The following OSBPL8 variants were observed in gnomAD, a reference collection of about 807,000 sequenced individuals.
The protein encoded by OSBPL8 is oxysterol binding protein like 8.
Under a neutral mutation model 125.5 loss-of-function variants are expected in OSBPL8, and 59 were observed. The ratio of observed to expected loss-of-function variants is 0.47; its 90% CI spans 0.38 to 0.58. The LOEUF is 0.58. OSBPL8 is among the 20% of genes least tolerant of loss of function. The pLI is 0.00. For missense variants in OSBPL8, 758 were observed against 1,047.8 expected, an observed-to-expected ratio of 0.72 and a Z score of 3.82; for synonymous variants, 330 against 338.9, an observed-to-expected ratio of 0.97 and a Z score of 0.29.
In OSBPL8 at chr12:76,537,584, TGAGA is replaced by T. The variant is rs558124716; in HGVS notation, c.-68+21809_-68+21812del. 3.3e-5 allele frequency among the ~76,000 whole-genome samples: 5 copies of T among 152,246 alleles called. No individual in the cohort carries two copies. The South Asian group carries it at 8.3e-4, about 25-fold the overall frequency. On this transcript the variant is annotated intron_variant, in intron 1 of 23. Transcript: ENST00000261183. ...GAGAGAAATCTACAGAAATGTACGA[TGAGA>T]GAGATTCACAATGAGAAATAAAATA...
intron 5 of OSBPL8, among the ~76,000 whole-genome samples, chr12:76,405,350 T>C (rs758423717): frequency 6.6e-6 from 1 of 152,042 alleles, no homozygotes; most frequent in Non-Finnish European, 1.5e-5. Flanking sequence ...TCCCAGCTGT[T>C]TGGGAGGTTG....
intron 2 of OSBPL8, among the ~76,000 whole-genome samples, chr12:76,470,564 G>T (rs1876015085): frequency 6.6e-6 from 1 of 152,060 alleles, no homozygotes; most frequent in Non-Finnish European, 1.5e-5. Context: ...CTTATATAGA[G>T]ATATGTGAGC....
At chr12:76,512,921 C>T (rs1213010126) in intron 1 of OSBPL8, among the ~76,000 whole-genome samples, 1 of 152,096 alleles carries the variant, frequency 6.6e-6, no homozygotes, top group African/African-American at 2.4e-5. Flanking sequence ...AGCTATATTC[C>T]TAGGTATCTT....
At chr12:76,421,866 T>C (rs1419512301) in intron 4 of OSBPL8, among the ~76,000 whole-genome samples, 2 of 148,070 alleles carry the variant, frequency 1.4e-5, no homozygotes, top group East Asian at 1.9e-4. Flanking sequence ...GCCTAAATCA[T>C]AGCTGTCAAA....
At chr12:76,533,099 G>C (rs552501743) in intron 1 of OSBPL8, among the ~76,000 whole-genome samples, 1 of 152,114 alleles carries the variant, frequency 6.6e-6, no homozygotes, top group African/African-American at 2.4e-5. Context: ...ATTTTTAAAT[G>C]AATTTACAAA....
At chr12:76,419,558 A>G (rs917375019) in intron 4 of OSBPL8, among the ~76,000 whole-genome samples, 2 of 152,218 alleles carry the variant, frequency 1.3e-5, no homozygotes, top group Admixed American at 6.5e-5. Context: ...CCAATGGTTC[A>G]GTTTCTCCAA....
At position 76,502,742 on chromosome 12, in the gene OSBPL8, G is replaced by A. The variant is rs74327229; in HGVS notation, c.-67-15124C>T. On this transcript the variant is annotated intron_variant, in intron 1 of 23. Coordinates refer to ENST00000261183, the MANE Select transcript of OSBPL8 (RefSeq NM_020841.5). ...GTCATCCTACCAGGTCAAAAGCCAT[G>A]ACCAGTTGAGGTACTTGCTGAGGGT... Among the ~76,000 whole-genome samples the A allele has an allele frequency of 6.2e-3, 939 of 152,278 alleles. 6 individuals are homozygous for A. Among genetic ancestry groups the A allele is most frequent in the Middle Eastern group, 0.037 (11 of 294 alleles).
intron 2 of OSBPL8, among the ~76,000 whole-genome samples, chr12:76,465,516 C>T (rs531668624): frequency 6.6e-6 from 1 of 151,924 alleles, no homozygotes; most frequent in East Asian, 1.9e-4. Flanking sequence ...GCCAAGATCA[C>T]GCCACTGCAC....
chr12:76,383,296 TG>T, intron 15 of OSBPL8, among the ~76,000 whole-genome samples: 1 of 151,220 alleles, frequency 6.6e-6, no homozygotes, highest in African/African-American at 2.4e-5. Flanking sequence ...AATGGAGGGA[TG>T]AAAGGTGAAG....
Position 76,487,620 on chromosome 12 carries a change from T to C in OSBPL8, c.-67-2A>G. ...AGCCATTCTGTAAATCTGCAAATCC[T>C]AAAATAAGAAAATGATATTTATTAG... On this transcript the variant is annotated splice_acceptor_variant, in intron 1 of 23. Coordinates refer to ENST00000261183, the MANE Select transcript of OSBPL8 (RefSeq NM_020841.5). LOFTEE classifies it low-confidence loss of function (5UTR_SPLICE). 5 of 1,321,112 alleles carry C rather than the reference T, an allele frequency of 3.8e-6. No homozygotes were observed. In the Admixed American group the frequency reaches 1.2e-4, roughly 32 times the overall value. The allele number at this position is 1,321,112 out of a possible 1,614,324, so 81.8% of individuals were successfully genotyped here.
intron 2 of OSBPL8, among the ~76,000 whole-genome samples, chr12:76,480,569 C>T (rs190777545): frequency 4.6e-5 from 7 of 152,260 alleles, no homozygotes; most frequent in African/African-American, 1.7e-4. Flanking sequence ...GTTATTTTAA[C>T]ATGAGAAAAT....
intron 1 of OSBPL8, among the ~76,000 whole-genome samples, chr12:76,521,187 C>A (rs1171615019): frequency 6.6e-6 from 1 of 152,150 alleles, no homozygotes; most frequent in Admixed American, 6.5e-5. Context: ...AAACACATAC[C>A]TTGGGTTTCC....
chr12:76,520,215 G>A (rs35125747), intron 1 of OSBPL8, among the ~76,000 whole-genome samples: 67,354 of 151,884 alleles, frequency 0.44, 15,590 homozygotes, highest in African/African-American at 0.52. Context: ...TTGATATCAC[G>A]CTAGTTCCTT....
chr12:76,538,980 A>C (rs1015085127), intron 1 of OSBPL8, among the ~76,000 whole-genome samples: 9 of 146,872 alleles, frequency 6.1e-5, no homozygotes, highest in African/African-American at 2.3e-4. Flanking sequence ...TAGAACTTCG[A>C]GGATGAAGTT....
chr12:76,400,315 A>T (rs1167223622), intron 6 of OSBPL8, among the ~76,000 whole-genome samples: 1 of 152,172 alleles, frequency 6.6e-6, no homozygotes, highest in East Asian at 1.9e-4. Context: ...CTCCATCCAT[A>T]TCTTTGTAAA....
chr12:76,513,703 T>C (rs1565959275), intron 1 of OSBPL8, among the ~76,000 whole-genome samples: 3 of 151,966 alleles, frequency 2.0e-5, no homozygotes, highest in Non-Finnish European at 4.4e-5. Flanking sequence ...CTTTGTTGGT[T>C]TGAAGTCTGT....
In OSBPL8 at chr12:76,428,010, T is replaced by C. The variant is rs188521706; in HGVS notation, c.218-17376A>G. Among the ~76,000 whole-genome samples, 225 of 152,180 alleles carry C rather than the reference T, an allele frequency of 1.5e-3. 1 individual carries two copies. The highest frequency in any genetic ancestry group is 2.0e-3 in the Non-Finnish European group (134 of 67,928). ...CTTTTACATAATTATTTACTATGTT[T>C]TGGGTAGTGATATAAAATGTATTTC... On this transcript the variant is annotated intron_variant, in intron 4 of 23. Coordinates refer to ENST00000261183, the MANE Select transcript of OSBPL8 (RefSeq NM_020841.5).
chr12:76,497,640 G>A (rs1228668700), intron 1 of OSBPL8, among the ~76,000 whole-genome samples: 2 of 152,122 alleles, frequency 1.3e-5, no homozygotes, highest in Non-Finnish European at 2.9e-5. Flanking sequence ...TTCTCTACGT[G>A]GTTTTTATAC....
At chr12:76,435,357 A>G (rs554350124) in intron 4 of OSBPL8, among the ~76,000 whole-genome samples, 2 of 152,296 alleles carry the variant, frequency 1.3e-5, no homozygotes, top group African/African-American at 4.8e-5. Context: ...AGTTGAACTC[A>G]TAGATGCACA....
Sources: gnomAD v4.1 joint callset for allele counts (sites outside exome capture counted in the v4.1 genomes callset) on GRCh38, gnomAD v4.1.1 for gene constraint, MANE v1.5 for transcripts, NCBI Gene and HGNC (gene_info 2026-07-23, HGNC 2026-07-21) for gene names.